The following MPPED2 variants were observed in gnomAD, a reference collection of about 807,000 sequenced individuals.
MPPED2 encodes the protein metallophosphoesterase MPPED2.
MPPED2 carries 5 observed loss-of-function variants against 33.0 expected under a neutral mutation model. The observed-to-expected ratio is 0.15, with a 90% CI of 0.08 to 0.32. The LOEUF (loss-of-function observed/expected upper bound fraction) is 0.32, where lower values mean the gene tolerates loss of function less well. Among genes scored for constraint, MPPED2 ranks in the 10% least tolerant of loss-of-function variants. The probability of loss-of-function intolerance (pLI) is 1.00; values close to 1 mark genes in which losing one functional copy is unlikely to be tolerated. For synonymous variants in MPPED2, 136 were observed against 141.9 expected, an observed-to-expected ratio of 0.96 and a Z score of 0.29; for missense variants, 275 against 372.1, an observed-to-expected ratio of 0.74 and a Z score of 2.15.
intron 3 of MPPED2, chr11:30,501,540 G>A (rs1477804377): frequency 1.4e-6 from 1 of 701,116 alleles, no homozygotes; most frequent in Non-Finnish European, 1.8e-6. Flanking sequence ...AGATATCTCT[G>A]TCTTCCAGTA....
intron 4 of MPPED2, chr11:30,451,704 G>A (rs996299519): frequency 2.1e-6 from 2 of 969,746 alleles, no homozygotes; most frequent in Admixed American, 6.2e-5. Flanking sequence ...AAAAACATTA[G>A]AGAAACTTTT....
At chr11:30,392,752 T>C (rs1028965201) in intron 6 of MPPED2, among the ~76,000 whole-genome samples, 5 of 151,832 alleles carry the variant, frequency 3.3e-5, no homozygotes, top group African/African-American at 1.2e-4. Context: ...TGGGAGAGAG[T>C]GTTCATGCTC....
At chr11:30,409,252 C>T (rs1436185644), downstream of MPPED2, among the ~76,000 whole-genome samples, 1 of 152,108 alleles carries the variant, frequency 6.6e-6, no homozygotes, top group African/African-American at 2.4e-5. Flanking sequence ...AGTAGTGTAC[C>T]TCTCACTCCA....
intron 4 of MPPED2, among the ~76,000 whole-genome samples, chr11:30,460,805 A>G (rs1292681219): frequency 1.3e-5 from 2 of 152,202 alleles, no homozygotes; most frequent in Admixed American, 6.5e-5. Flanking sequence ...GTCACTGTGT[A>G]CAGTGGTATG....
At chr11:30,579,020 G>C (rs76832709) in intron 2 of MPPED2, among the ~76,000 whole-genome samples, 1 of 118,522 alleles carries the variant, frequency 8.4e-6, no homozygotes, top group African/African-American at 3.4e-5. Flanking sequence ...TTTTTTTTTG[G>C]TCACTCAAGC....
chr11:30,504,306 G>C (rs543891863), intron 3 of MPPED2, among the ~76,000 whole-genome samples: 6 of 152,290 alleles, frequency 3.9e-5, no homozygotes, highest in African/African-American at 1.4e-4. Context: ...TGGCCAAGCA[G>C]AAAATTCTGC....
At chr11:30,536,658 T>C (rs1259505977) in intron 2 of MPPED2, among the ~76,000 whole-genome samples, 1 of 152,146 alleles carries the variant, frequency 6.6e-6, no homozygotes, top group East Asian at 1.9e-4. Flanking sequence ...AACTGAGATG[T>C]GGAGAGATAG....
At chr11:30,398,071 C>T (rs1947860810) in intron 6 of MPPED2, among the ~76,000 whole-genome samples, 1 of 152,070 alleles carries the variant, frequency 6.6e-6, no homozygotes, top group Non-Finnish European at 1.5e-5. Flanking sequence ...AAGTCATTAT[C>T]CTTGCAGATA....
intron 2 of MPPED2, among the ~76,000 whole-genome samples, chr11:30,539,325 C>T (rs1954976281): frequency 6.6e-6 from 1 of 152,130 alleles, no homozygotes; most frequent in Non-Finnish European, 1.5e-5. Context: ...TAACATTTCC[C>T]CTAAGGCATC....
intron 4 of MPPED2, among the ~76,000 whole-genome samples, chr11:30,448,411 A>G (rs1273490955): frequency 6.6e-6 from 1 of 152,154 alleles, no homozygotes; most frequent in African/African-American, 2.4e-5. Flanking sequence ...GGTCCCACCT[A>G]GAAGCCTCAC....
intron 4 of MPPED2, among the ~76,000 whole-genome samples, chr11:30,434,206 T>TG (rs1343339994): frequency 1.3e-5 from 2 of 152,230 alleles, no homozygotes; most frequent in Non-Finnish European, 2.9e-5. Context: ...GATTAGGATG[T>TG]GGACATCTTT....
intron 3 of MPPED2, among the ~76,000 whole-genome samples, chr11:30,496,978 T>A (rs989519378): frequency 1.3e-5 from 2 of 152,084 alleles, no homozygotes; most frequent in South Asian, 2.1e-4. Context: ...AAGAGAGAGA[T>A]GAAAGCAGTC....
chr11:30,519,618 C>T (rs918823949), intron 3 of MPPED2, among the ~76,000 whole-genome samples: 1 of 151,958 alleles, frequency 6.6e-6, no homozygotes, highest in African/African-American at 2.4e-5. Context: ...GGTTACATTG[C>T]TTCCTAAATC....
At chr11:30,480,040 G>A (rs1951409945) in intron 4 of MPPED2, among the ~76,000 whole-genome samples, 1 of 152,122 alleles carries the variant, frequency 6.6e-6, no homozygotes, top group Admixed American at 6.5e-5. Flanking sequence ...TCAACTGGGA[G>A]GGTGTTGGTG....
Position 30,575,016 on chromosome 11 carries a change from C to T in MPPED2, c.128+5230G>A, listed in dbSNP as rs543072051. ...ACTCTTCTGTAACATTGTTTTTATACGTAAGCATATCTAATACAGAACTAA... is the reference window on the plus strand; with the variant it reads ...ACTCTTCTGTAACATTGTTTTTATATGTAAGCATATCTAATACAGAACTAA... On this transcript the variant is annotated intron_variant, in intron 2 of 6. Transcript: ENST00000358117. Among the ~76,000 whole-genome samples the T allele has an allele frequency of 5.9e-5, 9 of 152,226 alleles. No individual in the cohort carries two copies. In the South Asian group the frequency reaches 6.2e-4, roughly 11 times the overall value.
chr11:30,539,244 C>T (rs577488081), intron 2 of MPPED2, among the ~76,000 whole-genome samples: 3 of 152,278 alleles, frequency 2.0e-5, no homozygotes, highest in African/African-American at 7.2e-5. Flanking sequence ...TGAAGGCCCT[C>T]ACACTATATT....
chr11:30,575,502 G>C (rs542845273), intron 2 of MPPED2, among the ~76,000 whole-genome samples: 8 of 152,334 alleles, frequency 5.3e-5, no homozygotes, highest in African/African-American at 1.7e-4. Flanking sequence ...GGCAGGATCA[G>C]TATTTGTATA....
intron 3 of MPPED2, chr11:30,501,537 T>C: frequency 5.9e-6 from 4 of 681,664 alleles, no homozygotes; most frequent in Non-Finnish European, 7.2e-6. Flanking sequence ...TCCAGATATC[T>C]CTGTCTTCCA....
chr11:30,532,575 A>G (rs754114447), intron 3 of MPPED2, among the ~76,000 whole-genome samples: 1 of 152,192 alleles, frequency 6.6e-6, no homozygotes, highest in Non-Finnish European at 1.5e-5. Flanking sequence ...CACAGAGCAT[A>G]TCCTCACAAC....
Sources: gnomAD v4.1 joint callset for allele counts (sites outside exome capture counted in the v4.1 genomes callset) on GRCh38, gnomAD v4.1.1 for gene constraint, MANE v1.5 for transcripts, NCBI Gene and HGNC (gene_info 2026-07-23, HGNC 2026-07-21) for gene names.